ANK2: variants seen among roughly 807,000 people sequenced by gnomAD.
ANK2 encodes ankyrin-2.
In ANK2, 83 loss-of-function variants were observed where a neutral mutation model predicts 360.5. The ratio of observed to expected loss-of-function variants is 0.23; its 90% CI spans 0.19 to 0.28. ANK2 has a LOEUF of 0.28. Among genes scored for constraint, ANK2 ranks in the 10% least tolerant of loss-of-function variants. The probability of loss-of-function intolerance (pLI) is 1.00; values close to 1 mark genes in which losing one functional copy is unlikely to be tolerated. For missense variants in ANK2, 4,201 were observed against 4,795.7 expected, an observed-to-expected ratio of 0.88 and a Z score of 3.66; for synonymous variants, 1,740 against 1,759.5, an observed-to-expected ratio of 0.99 and a Z score of 0.28.
chr4:113,323,000 G>T (rs984407836), intron 26 of ANK2, among the ~76,000 whole-genome samples: 1 of 151,926 alleles, frequency 6.6e-6, no homozygotes, highest in Non-Finnish European at 1.5e-5. Context: ...TTGGATTTCC[G>T]GTCCATTAAG....
At chr4:113,377,919 A>G (rs1307776178) in intron 45 of ANK2, among the ~76,000 whole-genome samples, 3 of 152,338 alleles carry the variant, frequency 2.0e-5, no homozygotes, top group African/African-American at 4.8e-5. Context: ...GAGAGAAACT[A>G]AAAGGACTTG....
chr4:113,373,737 T>C, intron 45 of ANK2: 2 of 553,666 alleles, frequency 3.6e-6, no homozygotes, highest in Non-Finnish European at 6.8e-6. Flanking sequence ...AAAAGTCAAA[T>C]TTTGAAAGAA....
intron 5 of ANK2, 28 bp from the exon 6 acceptor site, chr4:113,236,959 A>C: frequency 1.2e-6 from 2 of 1,611,620 alleles, no homozygotes; most frequent in Non-Finnish European, 1.7e-6. Context: ...AGATGTTAAC[A>C]GACAATTTTT....
chr4:112,764,666 C>A, the ANK2 span, among the ~76,000 whole-genome samples: 1 of 149,678 alleles, frequency 6.7e-6, no homozygotes, highest in Non-Finnish European at 1.5e-5. Context: ...TATTTATTGC[C>A]TTTCCTTTGT....
At chr4:113,226,475 T>G (rs987558726) in intron 4 of ANK2, among the ~76,000 whole-genome samples, 14 of 152,338 alleles carry the variant, frequency 9.2e-5, no homozygotes, top group African/African-American at 3.4e-4. Flanking sequence ...CCCAGTAACT[T>G]CGTTCAGATA....
intron 4 of ANK2, among the ~76,000 whole-genome samples, chr4:113,221,780 GA>G (rs1438415739): frequency 1.3e-5 from 2 of 152,198 alleles, no homozygotes; most frequent in Non-Finnish European, 2.9e-5. Flanking sequence ...GGATGCACTG[GA>G]ATGAGTAACT....
At chr4:112,985,645 C>T (rs2044584040) in intron 2 of ANK2, among the ~76,000 whole-genome samples, 2 of 152,172 alleles carry the variant, frequency 1.3e-5, no homozygotes, top group South Asian at 4.1e-4. Flanking sequence ...CTTCAGAGGA[C>T]AATGTCCATA....
At chr4:113,239,624 A>G (rs987473140) in intron 7 of ANK2, among the ~76,000 whole-genome samples, 4 of 152,176 alleles carry the variant, frequency 2.6e-5, no homozygotes, top group Non-Finnish European at 4.4e-5. Flanking sequence ...CAAAGATGGC[A>G]ACAATTTTCA....
At chr4:113,309,650 C>G (rs1447930761) in intron 23 of ANK2, among the ~76,000 whole-genome samples, 2 of 152,042 alleles carry the variant, frequency 1.3e-5, no homozygotes, top group African/African-American at 4.8e-5. Flanking sequence ...TCCCAAGTAG[C>G]TGGGAATACA....
At chr4:113,203,144 A>G (rs2098865992) in intron 4 of ANK2, among the ~76,000 whole-genome samples, 1 of 152,190 alleles carries the variant, frequency 6.6e-6, no homozygotes, top group Non-Finnish European at 1.5e-5. Flanking sequence ...CACTTGCAGA[A>G]GATCTTTAGT....
intron 2 of ANK2, among the ~76,000 whole-genome samples, chr4:112,913,514 G>C (rs1212953223): frequency 6.6e-6 from 1 of 152,066 alleles, no homozygotes; most frequent in Admixed American, 6.6e-5. Flanking sequence ...TTCTGATCAG[G>C]ATTAATTTTT....
chr4:113,332,411 A>C lies in ANK2; in HGVS notation c.3224+341A>C, dbSNP rs180881966. 1.6e-4 allele frequency among the ~76,000 whole-genome samples: 24 copies of C among 152,334 alleles called. No homozygotes were observed. The East Asian group carries it at 4.3e-3, about 27-fold the overall frequency. On this transcript the variant is annotated intron_variant, in intron 28 of 45. Transcript: ENST00000357077. Reference sequence around the variant, plus strand: ...GGACCCAAAAATCAAAACCCTCTACATATTTTGAGAACGAATGTGACCTAA... The same window carrying C: ...GGACCCAAAAATCAAAACCCTCTACCTATTTTGAGAACGAATGTGACCTAA...
At chr4:112,767,065 G>T in the ANK2 span, among the ~76,000 whole-genome samples, 5 of 152,146 alleles carry the variant, frequency 3.3e-5, no homozygotes, top group Non-Finnish European at 7.3e-5. Context: ...AATATCTTAT[G>T]ATGTAAAGCA....
chr4:113,188,910 T>C (rs1222017092), intron 2 of ANK2, among the ~76,000 whole-genome samples: 1 of 152,178 alleles, frequency 6.6e-6, no homozygotes, highest in Non-Finnish European at 1.5e-5. Flanking sequence ...CCTGGGTGAA[T>C]TAAGCAAACT....
At chr4:113,202,984 A>G (rs1431368884) in intron 4 of ANK2, among the ~76,000 whole-genome samples, 1 of 152,192 alleles carries the variant, frequency 6.6e-6, no homozygotes, top group Non-Finnish European at 1.5e-5. Flanking sequence ...CTGACCATGT[A>G]GCTCTCTGGC....
chr4:112,893,412 C>T (rs760616863), intron 1 of ANK2, among the ~76,000 whole-genome samples: 11 of 152,066 alleles, frequency 7.2e-5, no homozygotes, highest in Non-Finnish European at 1.5e-4. Context: ...ATCCTCCTAC[C>T]GCAGCCTCTC....
At chr4:112,730,636 CAAAAAAAAAAA>C in the ANK2 span, among the ~76,000 whole-genome samples, 2 of 57,946 alleles carry the variant, frequency 3.5e-5, no homozygotes, top group African/African-American at 1.4e-4. Flanking sequence ...GACTCCATCT[CAAAAAAAAAAA>C]AAAAAAAAAA....
rs576620106 is a variant in ANK2 at position 112,832,140 on chromosome 4, C to G, written c.-40+13876C>G. 2.6e-5 allele frequency among the ~76,000 whole-genome samples: 4 copies of G among 152,366 alleles called. No homozygotes were observed. In the South Asian group the frequency reaches 8.3e-4, roughly 32 times the overall value. On this transcript the variant is annotated intron_variant, in intron 1 of 30. Coordinates refer to the ANK2 transcript ENST00000503271. ...AATCTCAGGCCACTGCAACCTCTGA[C>G]TCCCATGTTCAAGCAATTGTCCTGC... is the stretch of plus-strand genomic sequence containing the variant.
intron 18 of ANK2, among the ~76,000 whole-genome samples, chr4:113,286,641 G>A (rs2064754526): frequency 6.6e-6 from 1 of 152,164 alleles, no homozygotes; most frequent in African/African-American, 2.4e-5. Flanking sequence ...CTGGGGAAGA[G>A]GTGCTGACTC....
Sources: allele counts gnomAD v4.1 joint callset (sites outside exome capture counted in the v4.1 genomes callset), GRCh38; gene constraint gnomAD v4.1.1; transcripts MANE v1.5; gene names NCBI Gene and HGNC (gene_info 2026-07-23, HGNC 2026-07-21).